The following TNNC2 variants were observed in gnomAD, a reference collection of about 807,000 sequenced individuals.
TNNC2 encodes troponin C2, fast skeletal type.
Under a neutral mutation model 20.0 loss-of-function variants are expected in TNNC2, and 14 were observed. The ratio of observed to expected loss-of-function variants is 0.70; its 90% confidence interval spans 0.46 to 1.09. The LOEUF (loss-of-function observed/expected upper bound fraction) is 1.09, where lower values mean the gene tolerates loss of function less well. Ranked by LOEUF, TNNC2 falls within the 50% of genes least tolerant of loss-of-function variation. The pLI is 0.00. For synonymous variants in TNNC2, 81 were observed against 77.3 expected, an observed-to-expected ratio of 1.05 and a Z score of -0.25; for missense variants, 163 against 223.8, an observed-to-expected ratio of 0.73 and a Z score of 1.73.
At chr20:45,832,474 C>T (rs1014209003) in intron 2 of TNNC2, among the ~76,000 whole-genome samples, 31 of 152,134 alleles carry the variant, frequency 2.0e-4, no homozygotes, top group African/African-American at 7.0e-4. Flanking sequence ...TTCCCCAGGA[C>T]GCTGTGAGGG....
At chr20:45,830,069 T>C (rs762403144), upstream of TNNC2, among the ~76,000 whole-genome samples, 26 of 151,140 alleles carry the variant, frequency 1.7e-4, no homozygotes, top group Admixed American at 4.6e-4. Flanking sequence ...GCACGGTGGC[T>C]CATGCCTGTA....
intron 1 of TNNC2, among the ~76,000 whole-genome samples, chr20:45,826,826 T>C (rs1982984975): frequency 6.6e-6 from 1 of 152,200 alleles, no homozygotes; most frequent in Non-Finnish European, 1.5e-5. Context: ...CCCCACGCCC[T>C]GCCGGCCTCC....
chr20:45,827,480 A>G (rs1408123305), upstream of TNNC2: 11 of 580,236 alleles, frequency 1.9e-5, no homozygotes, highest in Non-Finnish European at 3.4e-5. Flanking sequence ...TTGCAGAGAA[A>G]TTTAAGCCTC....
chr20:45,827,222 C>A (rs1982995228), intron 1 of TNNC2, 24 bp downstream of exon 1: 3 of 1,614,176 alleles, frequency 1.9e-6, no homozygotes, highest in Non-Finnish European at 2.5e-6. Context: ...TGAGTAAAGG[C>A]ACAAAGTCCC....
Position 45,824,022 on chromosome 20 carries a change from G to C in TNNC2, c.420C>G (p.Asp140Glu), listed in dbSNP as rs1982880798. 1 of 1,613,974 alleles carries C rather than the reference G, an allele frequency of 6.2e-7. No homozygotes were observed. Among genetic ancestry groups the C allele is most frequent in the African/African-American group, 1.3e-5 (1 of 74,906 alleles). The change falls in exon 5 of 6, where the codon GAC (aspartate) becomes GAG (glutamate). Residue 140 changes from aspartate to glutamate, a missense_variant. Coordinates refer to ENST00000372555, the MANE Select transcript of TNNC2 (RefSeq NM_003279.3). ...EEIESLMKDG[D>E]KNNDGRIDFD... is the part of the protein sequence containing the mutation. ...AGTCAATGCGGCCGTCGTTGTTCTT[G>C]TCGCCGTCTTTCATCAGAGATTCGA...
At chr20:45,827,117 G>T (rs1236788049) in intron 1 of TNNC2, 129 bp downstream of exon 1, 1 of 1,197,046 alleles carries the variant, frequency 8.4e-7, no homozygotes, top group Non-Finnish European at 1.2e-6. Flanking sequence ...AAGACACCTG[G>T]GTTCCAGGAA....
chr20:45,829,118 T>C (rs554066816), upstream of TNNC2, among the ~76,000 whole-genome samples: 3 of 151,748 alleles, frequency 2.0e-5, no homozygotes, highest in South Asian at 6.3e-4. Context: ...GTAGCTAGGA[T>C]TACAGGCACA....
At chr20:45,828,992 T>C (rs1332448883), upstream of TNNC2, among the ~76,000 whole-genome samples, 1 of 152,010 alleles carries the variant, frequency 6.6e-6, no homozygotes. Context: ...TTTGGGGTTT[T>C]GTTTTTGAGA....
At chr20:45,832,783 G>A (rs979819554) in intron 2 of TNNC2, among the ~76,000 whole-genome samples, 2 of 152,200 alleles carry the variant, frequency 1.3e-5, no homozygotes, top group Non-Finnish European at 2.9e-5. Flanking sequence ...GCTGCCCTGC[G>A]GATAAAAGAT....
upstream of TNNC2, among the ~76,000 whole-genome samples, chr20:45,829,701 G>A (rs1255653733): frequency 6.6e-6 from 1 of 151,538 alleles, no homozygotes. Context: ...CAGGAGAATG[G>A]TGTGAACCTG....
At chr20:45,829,957 G>A (rs1391067812), upstream of TNNC2, among the ~76,000 whole-genome samples, 1 of 151,844 alleles carries the variant, frequency 6.6e-6, no homozygotes, top group Non-Finnish European at 1.5e-5. Context: ...ATTGCTTAAT[G>A]TAGCCAAGCA....
In TNNC2 at chr20:45,824,599, C is replaced by T. The variant is rs1391168970; in HGVS notation, c.95G>A (p.Gly32Asp). 1 of 1,611,744 alleles carries T rather than the reference C, an allele frequency of 6.2e-7. No individual in the cohort carries two copies. The change falls in exon 3 of 6, where the codon GGT becomes GAT. Residue 32 changes from glycine to aspartate, a missense_variant. Transcript: ENST00000372555. ...CAACTCCTTGACGCTGATGTCCCCA[C>T]CACCATCAGCATCAAACATGTCAAA... Reference protein sequence around the residue: ...AAFDMFDADGGGDISVKELGT... With the variant: ...AAFDMFDADGDGDISVKELGT...
chr20:45,826,757 G>A (rs376316522), intron 1 of TNNC2, among the ~76,000 whole-genome samples: 52 of 152,292 alleles, frequency 3.4e-4, no homozygotes, highest in Admixed American at 1.3e-3. Flanking sequence ...ACTCTGGTCT[G>A]TCATCTTCTG....
At chr20:45,831,305 G>A (rs1156538412), upstream of TNNC2, among the ~76,000 whole-genome samples, 4 of 151,450 alleles carry the variant, frequency 2.6e-5, no homozygotes, top group Admixed American at 6.6e-5. Flanking sequence ...GGCCGGGCAC[G>A]GTGGCTCATG....
At chr20:45,824,941 C>A in intron 1 of TNNC2, 107 bp from the exon 2 acceptor site, 1 of 1,237,192 alleles carries the variant, frequency 8.1e-7, no homozygotes, top group South Asian at 1.3e-5. Flanking sequence ...CCTTGGTTCT[C>A]CAGAAGAACA....
At chr20:45,827,863 G>A (rs1983012768), upstream of TNNC2, among the ~76,000 whole-genome samples, 1 of 152,204 alleles carries the variant, frequency 6.6e-6, no homozygotes, top group South Asian at 2.1e-4. Context: ...CTTGGCAAGA[G>A]GAATGTCCCG....
chr20:45,825,987 T>C (rs1982958672), intron 1 of TNNC2, among the ~76,000 whole-genome samples: 1 of 152,006 alleles, frequency 6.6e-6, no homozygotes, highest in Non-Finnish European at 1.5e-5. Context: ...CACTTGTCAA[T>C]TGAAGGCCAA....
chr20:45,824,633 T>C lies in TNNC2; in HGVS notation c.61A>G (p.Lys21Glu), dbSNP rs752200112. Reference sequence around the variant, plus strand: ...GCATCAAACATGTCAAAGGCAGCCTTGAACTCTGCGAGGGAGGGCAGAGGG... The same window carrying C: ...GCATCAAACATGTCAAAGGCAGCCTCGAACTCTGCGAGGGAGGGCAGAGGG... ...YLSEEMIAEF[K>E]AAFDMFDADG... is the part of the protein sequence containing the mutation. The change falls in exon 3 of 6, where the codon AAG becomes GAG. Residue 21 changes from lysine to glutamate, a missense_variant. By Grantham distance (56) the Lys-to-Glu change is moderately conservative (BLOSUM62 1). Coordinates refer to ENST00000372555, the MANE Select transcript of TNNC2 (RefSeq NM_003279.3). 1 of 1,609,354 alleles carries C rather than the reference T, an allele frequency of 6.2e-7. No individual in the cohort carries two copies. Among genetic ancestry groups the C allele is most frequent in the South Asian group, 1.1e-5 (1 of 91,072 alleles).
At chr20:45,825,863 G>C (rs1421143391) in intron 1 of TNNC2, among the ~76,000 whole-genome samples, 2 of 152,064 alleles carry the variant, frequency 1.3e-5, no homozygotes, top group Non-Finnish European at 2.9e-5. Flanking sequence ...TAGGCGATCT[G>C]CCTGCCTCAG....
Sources: allele counts gnomAD v4.1 joint callset (sites outside exome capture counted in the v4.1 genomes callset), GRCh38; gene constraint gnomAD v4.1.1; transcripts MANE v1.5; gene names NCBI Gene and HGNC (gene_info 2026-07-23, HGNC 2026-07-21).